PLD1: variants seen among roughly 807,000 people sequenced by gnomAD.
PLD1 encodes choline phosphatase 1.
Under a neutral mutation model 137.1 loss-of-function variants are expected in PLD1, and 112 were observed. That is an observed-to-expected ratio of 0.82 (90% CI 0.70 to 0.96). The LOEUF (loss-of-function observed/expected upper bound fraction) is 0.96. Ranked by LOEUF, PLD1 falls within the 40% of genes least tolerant of loss-of-function variation. The pLI, the probability that PLD1 is intolerant of heterozygous loss-of-function variation, is 0.00. For synonymous variants in PLD1, 431 were observed against 454.7 expected, an observed-to-expected ratio of 0.95 and a Z score of 0.66; for missense variants, 1,321 against 1,342.0, an observed-to-expected ratio of 0.98 and a Z score of 0.24.
intron 1 of PLD1, among the ~76,000 whole-genome samples, chr3:171,798,479 C>A (rs1026753228): frequency 3.3e-5 from 5 of 152,200 alleles, no homozygotes; most frequent in South Asian, 2.1e-4. Flanking sequence ...TAGAGAATAT[C>A]AAGTAAATTG....
intron 1 of PLD1, among the ~76,000 whole-genome samples, chr3:171,761,059 G>A (rs1487300652): frequency 2.0e-5 from 3 of 152,220 alleles, no homozygotes; most frequent in African/African-American, 7.2e-5. Flanking sequence ...TAAGATAAAT[G>A]TATACATCTT....
At position 171,642,971 on chromosome 3, in the gene PLD1, C is replaced by T. The variant is rs1164957634; in HGVS notation, c.2544-82G>A. On this transcript the variant is annotated intron_variant, in intron 22 of 26. Transcript: ENST00000351298. ...GCAGTATCTGTAGGTTTAATCCTAA[C>T]ACAAGTAAAAACAGAACAAGTGCTT... 1.0e-5 allele frequency: 8 copies of T among 781,480 alleles called. No individual in the cohort carries two copies. The Middle Eastern group carries it at 8.4e-4, about 82-fold the overall frequency. 48.4% of individuals were successfully genotyped at this position (781,480 alleles called of 1,614,324 possible).
chr3:171,765,174 G>T (rs1247841881), intron 1 of PLD1: 1 of 152,102 alleles, frequency 6.6e-6, no homozygotes, highest in Admixed American at 6.5e-5. Flanking sequence ...CCAATGAATT[G>T]TATACTTTAA....
At chr3:171,790,661 G>A (rs1393369079) in intron 1 of PLD1, among the ~76,000 whole-genome samples, 1 of 152,158 alleles carries the variant, frequency 6.6e-6, no homozygotes, top group Non-Finnish European at 1.5e-5. Context: ...AAGGAAGCTG[G>A]CATGCTCCTC....
intron 8 of PLD1, among the ~76,000 whole-genome samples, chr3:171,721,186 G>T (rs1419650842): frequency 1.3e-5 from 2 of 152,178 alleles, no homozygotes; most frequent in Non-Finnish European, 2.9e-5. Context: ...CCAGACCATG[G>T]CTTCCATTCC....
intron 23 of PLD1, among the ~76,000 whole-genome samples, chr3:171,622,718 G>A (rs1733743141): frequency 6.6e-6 from 1 of 150,730 alleles, no homozygotes; most frequent in African/African-American, 2.4e-5. Flanking sequence ...GGAAGTATCA[G>A]CCAATATAGT....
intron 16 of PLD1, among the ~76,000 whole-genome samples, chr3:171,678,395 A>G (rs1248473309): frequency 6.6e-6 from 1 of 152,236 alleles, no homozygotes; most frequent in Non-Finnish European, 1.5e-5. Flanking sequence ...AAATATGGTA[A>G]CAACAGATGA....
chr3:171,731,509 C>T (rs4894753), intron 6 of PLD1, among the ~76,000 whole-genome samples: 54,889 of 151,946 alleles, frequency 0.36, 11,029 homozygotes, highest in African/African-American at 0.52. Flanking sequence ...AGGCTGGGCA[C>T]GGTGGCTCAC....
intron 23 of PLD1, among the ~76,000 whole-genome samples, chr3:171,626,268 T>C (rs534663793): frequency 4.0e-5 from 6 of 151,868 alleles, no homozygotes; most frequent in African/African-American, 1.2e-4. Context: ...GAAGACAAAA[T>C]GAATGAAATG....
At chr3:171,606,389 T>C (rs1433815536) in intron 25 of PLD1, among the ~76,000 whole-genome samples, 1 of 152,092 alleles carries the variant, frequency 6.6e-6, no homozygotes, top group Non-Finnish European at 1.5e-5. Context: ...GAACTGGGGT[T>C]TGGGAGAGAA....
At position 171,762,387 on chromosome 3, in the gene PLD1, G is replaced by A. The variant is rs9820514; in HGVS notation, c.-31-24305C>T. On this transcript the variant is annotated intron_variant, in intron 1 of 26. Coordinates refer to ENST00000351298, the MANE Select transcript of PLD1 (RefSeq NM_002662.5). ...AAATATCCACATGAAGTAAGATCAA[G>A]TTCCCTCTTCCACTGTATTGAGAAG... 8.5e-3 allele frequency among the ~76,000 whole-genome samples: 1,302 copies of A among 152,312 alleles called. 15 individuals are homozygous for A. Among genetic ancestry groups the A allele is most frequent in the African/African-American group, 0.029 (1,221 of 41,564 alleles).
intron 1 of PLD1, among the ~76,000 whole-genome samples, chr3:171,778,985 C>T (rs1722686064): frequency 6.6e-6 from 1 of 152,042 alleles, no homozygotes; most frequent in African/African-American, 2.4e-5. Context: ...GTCAGGAGTT[C>T]AAGACCAGCC....
chr3:171,659,866 G>C (rs980149053), intron 20 of PLD1, among the ~76,000 whole-genome samples: 1 of 152,010 alleles, frequency 6.6e-6, no homozygotes, highest in Non-Finnish European at 1.5e-5. Context: ...TCTTTTGTAT[G>C]TTGCATATAT....
intron 19 of PLD1, among the ~76,000 whole-genome samples, chr3:171,671,668 T>A (rs141441232): frequency 1.0e-3 from 156 of 152,194 alleles, no homozygotes; most frequent in African/African-American, 3.5e-3. Context: ...AGATTCTCTG[T>A]CAAATAAGCT....
At chr3:171,803,322 G>T (rs1230197786) in intron 1 of PLD1, among the ~76,000 whole-genome samples, 2 of 152,212 alleles carry the variant, frequency 1.3e-5, no homozygotes, top group Non-Finnish European at 2.9e-5. Context: ...TGACAGAAAA[G>T]TGCAGGAGAA....
intron 16 of PLD1, among the ~76,000 whole-genome samples, chr3:171,679,097 C>T (rs1713690034): frequency 6.6e-6 from 1 of 152,164 alleles, no homozygotes; most frequent in South Asian, 2.1e-4. Context: ...CTCCCCTGCC[C>T]GCATCAATGC....
intron 14 of PLD1, 150 bp downstream of exon 14, chr3:171,688,526 A>G: frequency 1.5e-6 from 1 of 656,842 alleles, no homozygotes; most frequent in Non-Finnish European, 2.7e-6. Context: ...GTTTGAAACC[A>G]GGTCTGTCTC....
intron 21 of PLD1, among the ~76,000 whole-genome samples, chr3:171,657,542 A>G (rs950554304): frequency 1.3e-5 from 2 of 152,226 alleles, no homozygotes; most frequent in Non-Finnish European, 2.9e-5. Flanking sequence ...TTCAATGTGG[A>G]AAGAATAGTC....
intron 3 of PLD1, 24 bp downstream of exon 3, chr3:171,737,507 AG>A (rs1469347253): frequency 6.3e-7 from 1 of 1,583,782 alleles, no homozygotes; most frequent in South Asian, 1.2e-5. Flanking sequence ...AAAAGAAAAA[AG>A]GGTGAGTCCA....
Sources: allele counts gnomAD v4.1 joint callset (sites outside exome capture counted in the v4.1 genomes callset), GRCh38; gene constraint gnomAD v4.1.1; transcripts MANE v1.5; gene names NCBI Gene and HGNC (gene_info 2026-07-23, HGNC 2026-07-21).